Variants in SCUBE3 observed in about 807,000 individuals in gnomAD.
The protein encoded by SCUBE3 is signal peptide, CUB and EGF-like domain-containing protein 3.
SCUBE3 carries 33 observed loss-of-function variants against 116.8 expected under a neutral mutation model. The observed-to-expected ratio is 0.28, with a 90% CI of 0.21 to 0.38. SCUBE3 has a LOEUF of 0.38. SCUBE3 is among the 10% of genes least tolerant of loss of function. The pLI is 1.00. For synonymous variants in SCUBE3, 418 were observed against 496.9 expected (o/e 0.84, Z 2.11); for missense variants, 1,007 against 1,324.8 (o/e 0.76, Z 3.72).
Position 35,235,706 on chromosome 6 carries a change from T to C in SCUBE3, c.713-2196T>C, listed in dbSNP as rs1783740749. The stretch of plus-strand genomic sequence containing the variant: ...TGGCCCGGGAGCTTTCATGTTGGTC[T>C]CGTCTTTGTTCCTGTCACTCTCCTT... On this transcript the variant is annotated intron_variant, in intron 6 of 21. Transcript: ENST00000274938. This position sits in a 1 kb window ranked among gnomAD's most constrained non-coding sequence, Gnocchi z 4.5. Among the ~76,000 whole-genome samples the C allele has an allele frequency of 6.6e-6, 1 of 152,140 alleles. No individual in the cohort carries two copies. Among genetic ancestry groups the C allele is most frequent in the Non-Finnish European group, 1.5e-5 (1 of 68,006 alleles).
chr6:35,224,208 G>A (rs1026579621), intron 1 of SCUBE3: 2 of 152,220 alleles, frequency 1.3e-5, no homozygotes, highest in Admixed American at 1.3e-4. Context: ...ATTGTAGAGG[G>A]AACAGGAAGA....
At position 35,239,594 on chromosome 6, in the gene SCUBE3, G is replaced by GGAAAGA. The variant is rs761702925; in HGVS notation, c.830-143_830-138dup. Among the ~76,000 whole-genome samples, 7 of 152,180 alleles carry GGAAAGA rather than the reference G, an allele frequency of 4.6e-5. No homozygotes were observed. The highest frequency in any genetic ancestry group is 1.3e-4 in the Admixed American group (2 of 15,274). On this transcript the variant is annotated intron_variant, in intron 7 of 21. Transcript: ENST00000274938. This position sits in a 1 kb window ranked among gnomAD's most constrained non-coding sequence, Gnocchi z 4.1. ...GAGACAGGAAAGAGAGAGAGAGACAGGAAAGAGAAAGAGAAAGAGACAGAG... is the reference window on the plus strand; with the variant it reads ...GAGACAGGAAAGAGAGAGAGAGACAGGAAAGAGAAAGAGAAAGAGAAAGAGACAGAG...
intron 1 of SCUBE3, among the ~76,000 whole-genome samples, chr6:35,217,497 T>C (rs1415276797): frequency 1.3e-5 from 2 of 151,370 alleles, no homozygotes; most frequent in Admixed American, 6.6e-5. Flanking sequence ...AGAGCGTTCA[T>C]GTGGTGGCAA....
In SCUBE3 at chr6:35,231,749, A is replaced by G. The variant is rs1178078464; in HGVS notation, c.359A>G (p.Asn120Ser). 1 of 1,613,204 alleles carries G rather than the reference A, an allele frequency of 6.2e-7. No homozygotes were observed. The highest frequency in any genetic ancestry group is 2.2e-5 in the East Asian group (1 of 44,830). ...CLDVDECAEGNGGCQQSCVNM... is the reference protein window; with the variant it reads ...CLDVDECAEGSGGCQQSCVNM... ...GATGTGGACGAGTGTGCCGAGGGCA[A>G]CGGCGGCTGTCAGCAGAGCTGTGTC... The change falls in exon 4 of 22, where the codon AAC becomes AGC. Residue 120 changes from asparagine (N) to serine (S), a missense_variant. Coordinates refer to ENST00000274938, the MANE Select transcript of SCUBE3 (RefSeq NM_152753.4). The surrounding 1 kb of genome is among the most constrained non-coding windows in gnomAD (Gnocchi z 4.2).
In SCUBE3 at chr6:35,246,015, TC is replaced by T; in HGVS notation, c.2673del (p.Arg892GlyfsTer33). 3.1e-6 allele frequency: 5 copies of T among 1,614,134 alleles called. No homozygotes were observed. The highest frequency in any genetic ancestry group is 3.4e-6 in the Non-Finnish European group (4 of 1,180,000). ...YERPIAFTAR[S>X]RKLWINFKTS... ...GCGTCCCATTGCCTTCACTGCCCGTTCCAGGAAGCTCTGGATCAACTTCAAG... is the reference window on the plus strand; with the variant it reads ...GCGTCCCATTGCCTTCACTGCCCGTTCAGGAAGCTCTGGATCAACTTCAAG... On this transcript the variant is annotated frameshift_variant, in exon 20 of 22. Coordinates refer to ENST00000274938, the MANE Select transcript of SCUBE3 (RefSeq NM_152753.4). LOFTEE classifies it high-confidence loss of function.
chr6:35,215,614 G>A (rs776893642), intron 1 of SCUBE3, among the ~76,000 whole-genome samples: 3 of 152,100 alleles, frequency 2.0e-5, no homozygotes, highest in East Asian at 1.9e-4. Context: ...CTGAGTGTCC[G>A]ACACAGGTCG....
intron 6 of SCUBE3, among the ~76,000 whole-genome samples, chr6:35,237,528 T>C (rs1038665045): frequency 1.3e-5 from 2 of 152,158 alleles, no homozygotes; most frequent in Non-Finnish European, 1.5e-5. Context: ...CTGTCCCTTC[T>C]GGTTCCCTGG....
At chr6:35,215,787 C>A (rs1416884989) in intron 1 of SCUBE3, among the ~76,000 whole-genome samples, 3 of 152,196 alleles carry the variant, frequency 2.0e-5, no homozygotes, top group Admixed American at 2.0e-4. Flanking sequence ...TTTCACAGAA[C>A]TGAAACACTA....
chr6:35,231,663 T>C lies in SCUBE3; in HGVS notation c.335-62T>C, dbSNP rs537605000. On this transcript the variant is annotated intron_variant, in intron 3 of 21. Coordinates refer to ENST00000274938, the MANE Select transcript of SCUBE3 (RefSeq NM_152753.4). The surrounding 1 kb of genome is among the most constrained non-coding windows in gnomAD (Gnocchi z 4.2). The stretch of plus-strand genomic sequence containing the variant: ...TAAGACTGCCTTTGGTGCTGAAGTC[T>C]TGGGATATACCCTGGACCCTGCCTG... 19 of 1,468,876 alleles carry C rather than the reference T, an allele frequency of 1.3e-5. No homozygotes were observed. In the East Asian group the frequency reaches 4.1e-4, roughly 31 times the overall value. 91.0% of individuals were successfully genotyped at this position (1,468,876 alleles called of 1,614,324 possible).
intron 6 of SCUBE3, among the ~76,000 whole-genome samples, chr6:35,237,023 G>A (rs1283118459): frequency 6.6e-6 from 1 of 152,178 alleles, no homozygotes; most frequent in Non-Finnish European, 1.5e-5. Flanking sequence ...TGACCTTTTA[G>A]TGAAAGGGAA....
In SCUBE3 at chr6:35,245,335, C is replaced by A. The variant is rs772099028; in HGVS notation, c.2509C>A (p.Pro837Thr). 6.2e-7 allele frequency: 1 copy of A among 1,614,128 alleles called. No homozygotes were observed. Among genetic ancestry groups the A allele is most frequent in the Non-Finnish European group, 8.5e-7 (1 of 1,180,000 alleles). The stretch of plus-strand genomic sequence containing the variant: ...GGAGTGCATCTGGAACATCAACCCC[C>A]CACCCAAGCGCAAGATCCTTATCGT... ...GVECIWNINPPPKRKILIVVP... is the reference protein window; with the variant it reads ...GVECIWNINPTPKRKILIVVP... Residue 837 changes from proline to threonine, a missense_variant, in exon 19 of 22, where the codon CCA becomes ACA. Pro to Thr is a conservative substitution (Grantham distance 38, BLOSUM62 -1). Transcript: ENST00000274938. The surrounding 1 kb of genome is among the most constrained non-coding windows in gnomAD (Gnocchi z 4.2).
chr6:35,243,138 A>C lies in SCUBE3; in HGVS notation c.1811A>C (p.Asp604Ala). Reference sequence around the variant, plus strand: ...TTCCTGCTGCGCCTGGCAGGCCTTGATTATGAGCTGGCCCACAAGCCGGGC... The same window carrying C: ...TTCCTGCTGCGCCTGGCAGGCCTTGCTTATGAGCTGGCCCACAAGCCGGGC... ...DRFLLRLAGLDYELAHKPGLV... is the reference protein window; with the variant it reads ...DRFLLRLAGLAYELAHKPGLV... Residue 604 changes from aspartate to alanine, a missense_variant, in exon 15 of 22, where the codon GAT (aspartate) becomes GCT (alanine). Asp to Ala is a moderately radical substitution (Grantham distance 126). Coordinates refer to ENST00000274938, the MANE Select transcript of SCUBE3 (RefSeq NM_152753.4). The surrounding 1 kb of genome is among the most constrained non-coding windows in gnomAD (Gnocchi z 6.6). The C allele has an allele frequency of 6.2e-7, 1 of 1,614,200 alleles. No individual in the cohort carries two copies. Among genetic ancestry groups the C allele is most frequent in the Non-Finnish European group, 8.5e-7 (1 of 1,180,020 alleles).
At chr6:35,248,379 T>G (rs1221296251) in intron 21 of SCUBE3, among the ~76,000 whole-genome samples, 177 bp from the exon 22 acceptor site, 1 of 152,070 alleles carries the variant, frequency 6.6e-6, no homozygotes, top group Non-Finnish European at 1.5e-5. Context: ...CTGCCACTGA[T>G]TCAGTTGTGG....
In SCUBE3 at chr6:35,214,318, C is replaced by CCCCCTCCCCT. The variant is rs547781800; in HGVS notation, c.-96_-87dup. On this transcript the variant is annotated 5_prime_UTR_variant, in exon 1 of 22. Transcript: ENST00000274938. This position sits in a 1 kb window ranked among gnomAD's most constrained non-coding sequence, Gnocchi z 6.3. ...CCCCCGGCCTGGCCCCGGCGGGGCGCCCCCTCCCCTCCCCCTCCTGCGAGC... is the reference window on the plus strand; with the variant it reads ...CCCCCGGCCTGGCCCCGGCGGGGCGCCCCCTCCCCTCCCCTCCCCTCCCCCTCCTGCGAGC... 2 of 638,012 alleles carry CCCCCTCCCCT rather than the reference C, an allele frequency of 3.1e-6. No individual in the cohort carries two copies. Among genetic ancestry groups the CCCCCTCCCCT allele is most frequent in the African/African-American group, 3.9e-5 (2 of 51,434 alleles). The allele number at this position is 638,012 out of a possible 1,614,324, so 39.5% of individuals were successfully genotyped here. A position where few individuals can be genotyped will look rare whatever the true frequency, so the allele number is the denominator to read the frequency against.
At chr6:35,237,327 T>C (rs1242335608) in intron 6 of SCUBE3, among the ~76,000 whole-genome samples, 1 of 152,214 alleles carries the variant, frequency 6.6e-6, no homozygotes, top group Non-Finnish European at 1.5e-5. Flanking sequence ...GAGCAGTCAG[T>C]CGATCCTGGA....
At position 35,227,617 on chromosome 6, in the gene SCUBE3, CATCGATGCT is replaced by C. The variant is rs772512473; in HGVS notation, c.127_135del (p.Asp43_Ile45del). 8.1e-6 allele frequency: 13 copies of C among 1,613,996 alleles called. No individual in the cohort carries two copies. In the Admixed American group the frequency reaches 2.2e-4, roughly 27 times the overall value. On this transcript the variant is annotated inframe_deletion, in exon 2 of 22. Transcript: ENST00000274938. ...GTGTGGAGGGGACTGACAACTGCCA[CATCGATGCT>C]ATCTGCCAGAACACCCCGAGGTCAT...
At chr6:35,238,255 AT>A (rs1211642303) in intron 7 of SCUBE3, among the ~76,000 whole-genome samples, 1 of 151,932 alleles carries the variant, frequency 6.6e-6, no homozygotes. Flanking sequence ...CCCTACTCTC[AT>A]TCCTATCCCC....
chr6:35,244,846 G>A lies in SCUBE3; in HGVS notation c.2401+35G>A, dbSNP rs200039542. 9 of 1,606,804 alleles carry A rather than the reference G, an allele frequency of 5.6e-6. No individual in the cohort carries two copies. Among genetic ancestry groups the A allele is most frequent in the Non-Finnish European group, 7.7e-6 (9 of 1,173,772 alleles). On this transcript the variant is annotated intron_variant, in intron 18 of 21. Transcript: ENST00000274938. The surrounding 1 kb of genome is among the most constrained non-coding windows in gnomAD (Gnocchi z 4.3). The stretch of plus-strand genomic sequence containing the variant: ...AAGCCAGGCTGTGCAAAAGGGAGGA[G>A]AGAGGCCTGGGAGCAGTGGACATCT...
chr6:35,218,372 C>T (rs3800388), intron 1 of SCUBE3, among the ~76,000 whole-genome samples: 6,281 of 152,200 alleles, frequency 0.041, 356 homozygotes, highest in East Asian at 0.3. Context: ...GTGCCTTGAA[C>T]TGAGGACAGG....
Sources: allele counts gnomAD v4.1 joint callset (sites outside exome capture counted in the v4.1 genomes callset), GRCh38; gene constraint gnomAD v4.1.1; non-coding constraint Gnocchi (gnomAD v3.1); transcripts MANE v1.5; gene names NCBI Gene and HGNC (gene_info 2026-07-23, HGNC 2026-07-21).